Variants in CEP57L1 observed in about 807,000 individuals in gnomAD.
CEP57L1 encodes centrosomal protein 57 like 1.
In CEP57L1, 37 loss-of-function variants were observed where a neutral mutation model predicts 61.0. The observed-to-expected ratio is 0.61, with a 90% confidence interval of 0.47 to 0.80. The LOEUF (loss-of-function observed/expected upper bound fraction) is 0.80. Ranked by LOEUF, CEP57L1 falls within the 30% of genes least tolerant of loss-of-function variation. The pLI, the probability that CEP57L1 is intolerant of heterozygous loss-of-function variation, is 0.00. For synonymous variants in CEP57L1, 137 were observed against 162.3 expected (o/e 0.84, Z 1.19); for missense variants, 422 against 524.7 (o/e 0.80, Z 1.91).
chr6:109,131,331 G>A (rs1014476061), intron 1 of CEP57L1, among the ~76,000 whole-genome samples: 2 of 151,940 alleles, frequency 1.3e-5, no homozygotes, highest in Non-Finnish European at 2.9e-5. Context: ...CTTATTCTCA[G>A]CCTATAGATT....
At chr6:109,128,063 T>C (rs1773779120) in intron 1 of CEP57L1, among the ~76,000 whole-genome samples, 1 of 152,120 alleles carries the variant, frequency 6.6e-6, no homozygotes, top group Admixed American at 6.5e-5. Context: ...ACACTGAAAA[T>C]TGCTGTTCTT....
At position 109,167,314 on chromosome 6, in the gene CEP57L1, T is replaced by G. The variant is rs1171261408; in HGVS notation, c.*4344T>G. ...TTACTTTTGCTGTAGATTGTTTACTTAAAGAATTAGGTGAATTTTTTTTTT... is the reference window on the plus strand; with the variant it reads ...TTACTTTTGCTGTAGATTGTTTACTGAAAGAATTAGGTGAATTTTTTTTTT... On this transcript the variant is annotated 3_prime_UTR_variant, in exon 11 of 11. Transcript: ENST00000517392. Among the ~76,000 whole-genome samples, 1 of 150,742 alleles carries G rather than the reference T, an allele frequency of 6.6e-6. No individual in the cohort carries two copies. Among genetic ancestry groups the G allele is most frequent in the Non-Finnish European group, 1.5e-5 (1 of 67,828 alleles).
intron 1 of CEP57L1, among the ~76,000 whole-genome samples, chr6:109,114,731 G>A (rs1361377312): frequency 6.6e-6 from 1 of 152,102 alleles, no homozygotes; most frequent in African/African-American, 2.4e-5. Flanking sequence ...ACAGGGAAAG[G>A]GAAGATGCTG....
At position 109,095,532 on chromosome 6, in the gene CEP57L1, C is replaced by T. The variant is rs1445142298; in HGVS notation, c.-47C>T. 2 of 985,742 alleles carry T rather than the reference C, an allele frequency of 2.0e-6. No homozygotes were observed. The highest frequency in any genetic ancestry group is 2.4e-6 in the Non-Finnish European group (2 of 829,956). 61.1% of individuals were successfully genotyped at this position (985,742 alleles called of 1,614,324 possible). ...GACGTTGCCTGTGGGTGCCCGCGAA[C>T]CAACGGTTAGCGGTGGCAGGGGCTG... On this transcript the variant is annotated 5_prime_UTR_variant, in exon 1 of 11. Coordinates refer to ENST00000517392, the MANE Select transcript of CEP57L1 (RefSeq NM_001271852.3).
intron 5 of CEP57L1, 74 bp from the exon 6 acceptor site, chr6:109,155,156 T>A: frequency 1.2e-6 from 1 of 852,628 alleles, no homozygotes; most frequent in Non-Finnish European, 1.8e-6. Context: ...CCCCTAGGAC[T>A]CTATTTGGAA....
chr6:109,123,470 C>T (rs921188400), intron 1 of CEP57L1, among the ~76,000 whole-genome samples: 1 of 152,170 alleles, frequency 6.6e-6, no homozygotes, highest in Admixed American at 6.5e-5. Context: ...CTTCATGATT[C>T]AGTGGCTCAA....
rs369856194 is a variant in CEP57L1 at position 109,112,473 on chromosome 6, C to A, written c.-4+16898C>A. Among the ~76,000 whole-genome samples, 7 of 152,138 alleles carry A rather than the reference C, an allele frequency of 4.6e-5. No homozygotes were observed. In the East Asian group the frequency reaches 1.2e-3, roughly 25 times the overall value. On this transcript the variant is annotated intron_variant, in intron 1 of 10. Coordinates refer to ENST00000517392, the MANE Select transcript of CEP57L1 (RefSeq NM_001271852.3). ...TTTTCAAAAAACCGGCTCCTGGATT[C>A]ATTGATTTTTTTGAAGGGTTTTTGT...
chr6:109,155,203 A>C (rs1010503210), intron 5 of CEP57L1, 27 bp from the exon 6 acceptor site: 5 of 1,391,162 alleles, frequency 3.6e-6, no homozygotes, highest in Non-Finnish European at 5.0e-6. Context: ...TTTTTATGTA[A>C]CAATCTTAGT....
chr6:109,117,808 G>A (rs1772476516), intron 1 of CEP57L1, among the ~76,000 whole-genome samples: 1 of 152,118 alleles, frequency 6.6e-6, no homozygotes, highest in Admixed American at 6.6e-5. Context: ...GGATACAAGG[G>A]AAGTTCAATT....
At chr6:109,159,637 A>G (rs923681881) in intron 9 of CEP57L1, among the ~76,000 whole-genome samples, 175 bp downstream of exon 9, 1 of 152,084 alleles carries the variant, frequency 6.6e-6, no homozygotes, top group Non-Finnish European at 1.5e-5. Flanking sequence ...CAGGAGAAGT[A>G]CCATATCACT....
rs896941657 is a variant in CEP57L1 at position 109,169,834 on chromosome 6, C to G, written c.*6864C>G. On this transcript the variant is annotated 3_prime_UTR_variant, in exon 11 of 11. Transcript: ENST00000517392. The stretch of plus-strand genomic sequence containing the variant: ...AGCAAAGATCTGTTATTTGACAAAC[C>G]CTATTTTTCCGAGCATCAACAGTCA... Among the ~76,000 whole-genome samples, 3 of 152,078 alleles carry G rather than the reference C, an allele frequency of 2.0e-5. No individual in the cohort carries two copies. Among genetic ancestry groups the G allele is most frequent in the African/African-American group, 4.8e-5 (2 of 41,410 alleles).
At chr6:109,139,808 A>G (rs1771146540) in intron 1 of CEP57L1, among the ~76,000 whole-genome samples, 1 of 150,240 alleles carries the variant, frequency 6.7e-6, no homozygotes, top group Non-Finnish European at 1.5e-5. Context: ...ATTTTTGTAT[A>G]TTTAAGAGAG....
At chr6:109,160,797 A>C in intron 10 of CEP57L1, 81 bp downstream of exon 10, 1 of 1,391,598 alleles carries the variant, frequency 7.2e-7, no homozygotes, top group Non-Finnish European at 9.6e-7. Context: ...GACTTTCCAA[A>C]TTTGAGGTCT....
intron 1 of CEP57L1, among the ~76,000 whole-genome samples, chr6:109,117,451 T>C (rs952169369): frequency 2.6e-5 from 4 of 152,230 alleles, no homozygotes; most frequent in Non-Finnish European, 4.4e-5. Flanking sequence ...AGGGCTTGTC[T>C]GGGCTAGACT....
At chr6:109,154,918 A>G (rs563081166) in intron 5 of CEP57L1, among the ~76,000 whole-genome samples, 1 of 152,192 alleles carries the variant, frequency 6.6e-6, no homozygotes, top group Admixed American at 6.5e-5. Flanking sequence ...TTGACCTGCT[A>G]CACCTTTAGT....
chr6:109,096,028 A>C (rs1424996958), intron 1 of CEP57L1, among the ~76,000 whole-genome samples: 8 of 152,226 alleles, frequency 5.3e-5, no homozygotes, highest in Admixed American at 4.6e-4. Flanking sequence ...AAGAATCCCC[A>C]GTATTCCTAG....
chr6:109,137,080 T>TA, intron 1 of CEP57L1, among the ~76,000 whole-genome samples: 1 of 152,280 alleles, frequency 6.6e-6, no homozygotes, highest in South Asian at 2.1e-4. Context: ...AACATTGTAA[T>TA]ACCTTTCATT....
At position 109,171,507 on chromosome 6, in the gene CEP57L1, A is replaced by T. The variant is rs1257120467; in HGVS notation, c.*8537A>T. ...TGAACTGCCCGCCTCAGCCTCCCAA[A>T]GTGCTGGGATTACAGGTGTGAGCCA... On this transcript the variant is annotated 3_prime_UTR_variant, in exon 11 of 11. Transcript: ENST00000517392. 1.3e-5 allele frequency among the ~76,000 whole-genome samples: 2 copies of T among 151,936 alleles called. No homozygotes were observed. The highest frequency in any genetic ancestry group is 1.3e-4 in the Admixed American group (2 of 15,230).
chr6:109,115,856 G>A (rs890442021), intron 1 of CEP57L1, among the ~76,000 whole-genome samples: 5 of 152,076 alleles, frequency 3.3e-5, no homozygotes, highest in Non-Finnish European at 7.4e-5. Context: ...TAAATTTAGC[G>A]TGTAAAAGCT....
Sources: gnomAD v4.1 joint callset for allele counts (sites outside exome capture counted in the v4.1 genomes callset) on GRCh38, gnomAD v4.1.1 for gene constraint, MANE v1.5 for transcripts, NCBI Gene and HGNC (gene_info 2026-07-23, HGNC 2026-07-21) for gene names.